Variants in BABAM2 observed in about 807,000 individuals in gnomAD.
BABAM2 encodes BRISC and BRCA1 A complex member 2, also known as BRISC and BRCA1-A complex member 2.
In BABAM2, 31 loss-of-function variants were observed where a neutral mutation model predicts 54.7. The observed-to-expected ratio is 0.57, with a 90% confidence interval of 0.43 to 0.77. The LOEUF (loss-of-function observed/expected upper bound fraction) is 0.77. Ranked by LOEUF, BABAM2 falls within the 30% of genes least tolerant of loss-of-function variation. The probability of loss-of-function intolerance (pLI) is 0.00; values close to 1 mark genes in which losing one functional copy is unlikely to be tolerated. For synonymous variants in BABAM2, 167 were observed against 162.9 expected, an observed-to-expected ratio of 1.03 and a Z score of -0.19; for missense variants, 364 against 455.8, an observed-to-expected ratio of 0.80 and a Z score of 1.83.
intron 8 of BABAM2, among the ~76,000 whole-genome samples, chr2:28,240,594 G>A (rs931126485): frequency 1.3e-5 from 2 of 152,062 alleles, no homozygotes; most frequent in African/African-American, 4.8e-5. Flanking sequence ...TTTGGGCCAG[G>A]CTCAGTGGCT....
At chr2:28,293,107 T>C (rs1479507262) in intron 10 of BABAM2, among the ~76,000 whole-genome samples, 1 of 152,250 alleles carries the variant, frequency 6.6e-6, no homozygotes, top group Non-Finnish European at 1.5e-5. Context: ...TTGTGACTAC[T>C]TGCCTTTAAT....
At chr2:28,045,378 G>A (rs1677477692) in intron 5 of BABAM2, among the ~76,000 whole-genome samples, 2 of 152,028 alleles carry the variant, frequency 1.3e-5, no homozygotes, top group Non-Finnish European at 2.9e-5. Flanking sequence ...AATCAAAGGG[G>A]TAGGTCTGTC....
intron 4 of BABAM2, among the ~76,000 whole-genome samples, chr2:28,020,319 G>A (rs1158124510): frequency 1.3e-5 from 2 of 152,096 alleles, no homozygotes; most frequent in African/African-American, 4.8e-5. Context: ...AAGATGTGAA[G>A]TATGCTATTA....
chr2:27,994,085 T>A (rs568253752), intron 4 of BABAM2, among the ~76,000 whole-genome samples: 1 of 152,294 alleles, frequency 6.6e-6, no homozygotes, highest in South Asian at 2.1e-4. Context: ...ATTTGGTGCC[T>A]CATTTGAGAC....
intron 6 of BABAM2, among the ~76,000 whole-genome samples, chr2:28,070,716 G>T (rs1664058862): frequency 6.6e-6 from 1 of 152,004 alleles, no homozygotes; most frequent in Admixed American, 6.6e-5. Context: ...TTGTCAACAA[G>T]TTGGCTTTGC....
chr2:28,298,564 T>C (rs1687875705), intron 11 of BABAM2, 73 bp downstream of exon 11: 2 of 1,557,536 alleles, frequency 1.3e-6, no homozygotes, highest in Non-Finnish European at 1.8e-6. Flanking sequence ...GGCAAGCTAC[T>C]GCTTGCAGGT....
intron 3 of BABAM2, among the ~76,000 whole-genome samples, chr2:27,980,500 G>A (rs1671925523): frequency 6.6e-6 from 1 of 152,080 alleles, no homozygotes; most frequent in East Asian, 1.9e-4. Context: ...TGACTGTTCT[G>A]CATAGCAAGA....
chr2:28,335,795 G>A (rs1691398219), intron 11 of BABAM2, among the ~76,000 whole-genome samples: 2 of 152,174 alleles, frequency 1.3e-5, no homozygotes, highest in African/African-American at 2.4e-5. Flanking sequence ...CATGTGTGAG[G>A]AAGAGCAAGT....
intron 7 of BABAM2, among the ~76,000 whole-genome samples, chr2:28,176,055 T>C (rs996545601): frequency 3.9e-5 from 6 of 152,132 alleles, no homozygotes; most frequent in Non-Finnish European, 5.9e-5. Context: ...ACTAACACCA[T>C]ACATACATCT....
At chr2:27,890,373 G>C (rs543611264), upstream of BABAM2, 8 of 1,603,950 alleles carry the variant, frequency 5.0e-6, no homozygotes, top group Middle Eastern at 5.0e-4. This position sits in a 1 kb window ranked among gnomAD's most constrained non-coding sequence, Gnocchi z 4.8. Context: ...GTCCAACCTG[G>C]ACGGTGACCT....
At position 28,144,938 on chromosome 2, in the gene BABAM2, C is replaced by T. The variant is rs113746471; in HGVS notation, c.680+15558C>T. On this transcript the variant is annotated intron_variant, in intron 7 of 11. Transcript: ENST00000379624. ...CCCACTAGTTCCTTGGAGGGGGCTC[C>T]GGACCATGGAGGTCACACACCAGTG... is the stretch of plus-strand genomic sequence containing the variant. Among the ~76,000 whole-genome samples, 70 of 152,322 alleles carry T rather than the reference C, an allele frequency of 4.6e-4. 1 individual carries two copies. Among genetic ancestry groups the T allele is most frequent in the African/African-American group, 1.4e-3 (60 of 41,566 alleles).
intron 6 of BABAM2, among the ~76,000 whole-genome samples, chr2:28,053,955 A>G (rs1266452396): frequency 6.6e-6 from 1 of 152,250 alleles, no homozygotes; most frequent in Non-Finnish European, 1.5e-5. Context: ...ATGTGTATAG[A>G]AACATCACTA....
chr2:28,228,861 G>A (rs1371253209), intron 7 of BABAM2, among the ~76,000 whole-genome samples: 1 of 152,140 alleles, frequency 6.6e-6, no homozygotes, highest in African/African-American at 2.4e-5. Flanking sequence ...TTAAAGGCTT[G>A]TTTGAGATGT....
intron 11 of BABAM2, among the ~76,000 whole-genome samples, chr2:28,299,357 T>C (rs1322414600): frequency 6.6e-6 from 1 of 152,226 alleles, no homozygotes; most frequent in Admixed American, 6.5e-5. Context: ...AAGACTTTGG[T>C]GTCTGGAACA....
intron 7 of BABAM2, among the ~76,000 whole-genome samples, chr2:28,142,389 T>G (rs1416991523): frequency 6.6e-6 from 1 of 152,112 alleles, no homozygotes; most frequent in Non-Finnish European, 1.5e-5. Context: ...AAAATAGAGG[T>G]CATTTTTGAA....
chr2:28,248,718 CTGTA>C (rs1363227949), intron 10 of BABAM2, among the ~76,000 whole-genome samples: 1 of 152,144 alleles, frequency 6.6e-6, no homozygotes, highest in African/African-American at 2.4e-5. Context: ...AGATTTGTGA[CTGTA>C]TGACAAGCTG....
At position 28,116,046 on chromosome 2, in the gene BABAM2, C is replaced by T. The variant is rs918767434; in HGVS notation, c.571-13225C>T. On this transcript the variant is annotated intron_variant, in intron 6 of 11. Coordinates refer to ENST00000379624, the MANE Select transcript of BABAM2 (RefSeq NM_199191.3). The stretch of plus-strand genomic sequence containing the variant: ...AGGAGAATCGCTTGAACCTGGGAGG[C>T]GGAGGTTGCAGTGAGCCAAGATCAC... 9.3e-5 allele frequency among the ~76,000 whole-genome samples: 14 copies of T among 151,238 alleles called. No homozygotes were observed. The South Asian group carries it at 1.7e-3, about 18-fold the overall frequency.
At chr2:28,088,290 T>C (rs1424877064) in intron 6 of BABAM2, among the ~76,000 whole-genome samples, 1 of 152,224 alleles carries the variant, frequency 6.6e-6, no homozygotes, top group African/African-American at 2.4e-5. Context: ...TTTTAGTTTG[T>C]TTTCTTTCAG....
chr2:28,335,876 G>A (rs1691416762), intron 11 of BABAM2, among the ~76,000 whole-genome samples: 1 of 152,210 alleles, frequency 6.6e-6, no homozygotes, highest in Admixed American at 6.5e-5. Context: ...GCTCAGGGGG[G>A]TCTGTGACAT....
Sources: allele counts gnomAD v4.1 joint callset (sites outside exome capture counted in the v4.1 genomes callset), GRCh38; gene constraint gnomAD v4.1.1; non-coding constraint Gnocchi (gnomAD v3.1); transcripts MANE v1.5; gene names NCBI Gene and HGNC (gene_info 2026-07-23, HGNC 2026-07-21).